The following PXDNL variants were observed in gnomAD, a reference collection of about 807,000 sequenced individuals.
PXDNL encodes the protein probable oxidoreductase PXDNL.
Under a neutral mutation model 150.8 loss-of-function variants are expected in PXDNL, and 145 were observed. The observed-to-expected ratio is 0.96, with a 90% confidence interval of 0.84 to 1.10. PXDNL has a LOEUF of 1.10. Ranked by LOEUF, PXDNL falls within the 50% of genes least tolerant of loss-of-function variation. The pLI is 0.00. For missense variants in PXDNL, 2,087 were observed against 1,873.9 expected, an observed-to-expected ratio of 1.11 and a Z score of -2.10; for synonymous variants, 757 against 725.7, an observed-to-expected ratio of 1.04 and a Z score of -0.69.
chr8:51,556,662 C>T lies in PXDNL; in HGVS notation c.380+178G>A, dbSNP rs555267483. On this transcript the variant is annotated intron_variant, in intron 4 of 22. Coordinates refer to ENST00000356297, the MANE Select transcript of PXDNL (RefSeq NM_144651.5). ...GCTGAGTTCTGTCTGTCTTCCTATC[C>T]TTATGCCAACTCAATCATACATTCT... 5.3e-5 allele frequency among the ~76,000 whole-genome samples: 8 copies of T among 152,268 alleles called. No individual in the cohort carries two copies. The South Asian group carries it at 8.3e-4, about 16-fold the overall frequency.
chr8:51,389,385 G>A (rs746321423), intron 17 of PXDNL, among the ~76,000 whole-genome samples: 1 of 152,062 alleles, frequency 6.6e-6, no homozygotes, highest in South Asian at 2.1e-4. Context: ...TTTCAGCCTC[G>A]GTCCCTGATG....
At chr8:51,440,919 CCTGTCCAGGTGA>C (rs1206674071) in intron 12 of PXDNL, among the ~76,000 whole-genome samples, 1 of 152,184 alleles carries the variant, frequency 6.6e-6, no homozygotes, top group Non-Finnish European at 1.5e-5. Flanking sequence ...AGATCCAGAG[CCTGTCCAGGTGA>C]CTGTGGGAGA....
chr8:51,329,397 A>G (rs1404497637), intron 21 of PXDNL, among the ~76,000 whole-genome samples: 1 of 152,230 alleles, frequency 6.6e-6, no homozygotes, highest in Non-Finnish European at 1.5e-5. Context: ...ACAGCACAAC[A>G]GTCAGCCTTT....
Position 51,408,792 on chromosome 8 carries a change from G to C in PXDNL, c.2832C>G (p.Cys944Trp), listed in dbSNP as rs1163232086. Residue 944 changes from cysteine (C) to tryptophan (W), a missense_variant, in exon 17 of 23, where the codon TGC becomes TGG. Transcript: ENST00000356297. The stretch of plus-strand genomic sequence containing the variant: ...AGGGGCTCTCCTGCTCCTGTCGCGC[G>C]CACTCGGTGGGTGGGCCTGTAGAAA... ...LPFSTGPPTE[C>W]ARQEQESPCF... The C allele has an allele frequency of 9.5e-6, 15 of 1,571,598 alleles. No homozygotes were observed. The highest frequency in any genetic ancestry group is 1.2e-5 in the Non-Finnish European group (14 of 1,159,582).
At chr8:51,533,948 C>T (rs1435215119) in intron 4 of PXDNL, among the ~76,000 whole-genome samples, 1 of 150,644 alleles carries the variant, frequency 6.6e-6, no homozygotes, top group African/African-American at 2.5e-5. Context: ...GGCCCCCCAT[C>T]GTCTGGGATA....
At chr8:51,563,819 T>G (rs1812761934) in intron 3 of PXDNL, among the ~76,000 whole-genome samples, 1 of 152,010 alleles carries the variant, frequency 6.6e-6, no homozygotes, top group Non-Finnish European at 1.5e-5. Flanking sequence ...CTGTGTGGTA[T>G]CATGCTCTGC....
chr8:51,695,119 C>T (rs1816087994), intron 1 of PXDNL, among the ~76,000 whole-genome samples: 1 of 152,192 alleles, frequency 6.6e-6, no homozygotes, highest in African/African-American at 2.4e-5. Context: ...AGAACCTGTG[C>T]TGCTGTCTGT....
chr8:51,329,558 C>T (rs1805617588), intron 21 of PXDNL, among the ~76,000 whole-genome samples: 1 of 151,970 alleles, frequency 6.6e-6, no homozygotes. Context: ...AGAAGCAGAC[C>T]CACATGAGAC....
chr8:51,434,296 G>C (rs1437136632), intron 12 of PXDNL, among the ~76,000 whole-genome samples: 1 of 152,120 alleles, frequency 6.6e-6, no homozygotes, highest in Non-Finnish European at 1.5e-5. Context: ...TTCTCTGACT[G>C]TCACTTCACT....
At chr8:51,568,832 T>G (rs1812874437) in intron 3 of PXDNL, among the ~76,000 whole-genome samples, 1 of 151,848 alleles carries the variant, frequency 6.6e-6, no homozygotes, top group Non-Finnish European at 1.5e-5. Flanking sequence ...AGGCCTCTAT[T>G]AACATATCAC....
chr8:51,681,303 G>A (rs1585670361), intron 1 of PXDNL, among the ~76,000 whole-genome samples: 2 of 151,938 alleles, frequency 1.3e-5, no homozygotes, highest in Admixed American at 6.6e-5. Flanking sequence ...GCTCTTCATC[G>A]TTGTTTTACC....
At chr8:51,351,940 C>G (rs1387379159) in intron 19 of PXDNL, among the ~76,000 whole-genome samples, 1 of 152,098 alleles carries the variant, frequency 6.6e-6, no homozygotes, top group Non-Finnish European at 1.5e-5. Flanking sequence ...AAGACAGAGT[C>G]TAATATGAGG....
chr8:51,362,691 C>T (rs1416047546), intron 19 of PXDNL, among the ~76,000 whole-genome samples: 1 of 151,918 alleles, frequency 6.6e-6, no homozygotes, highest in Non-Finnish European at 1.5e-5. Flanking sequence ...TTTAGAAGTA[C>T]AGATTTGGAA....
chr8:51,344,813 A>G (rs1160270719), intron 20 of PXDNL, among the ~76,000 whole-genome samples: 1 of 152,226 alleles, frequency 6.6e-6, no homozygotes, highest in East Asian at 1.9e-4. Flanking sequence ...AGTAGGTATT[A>G]CATGCCCATT....
At chr8:51,716,469 C>A (rs1192737029) in intron 1 of PXDNL, among the ~76,000 whole-genome samples, 1 of 152,188 alleles carries the variant, frequency 6.6e-6, no homozygotes, top group Non-Finnish European at 1.5e-5. Context: ...AACTAATTCA[C>A]TTCATGCTAT....
chr8:51,777,919 C>T (rs1360133381), intron 1 of PXDNL, among the ~76,000 whole-genome samples: 1 of 151,612 alleles, frequency 6.6e-6, no homozygotes, highest in African/African-American at 2.4e-5. Flanking sequence ...CAAAACAAAA[C>T]AACAACAACA....
At chr8:51,705,398 C>T (rs556188380) in intron 1 of PXDNL, among the ~76,000 whole-genome samples, 1 of 152,324 alleles carries the variant, frequency 6.6e-6, no homozygotes, top group South Asian at 2.1e-4. Flanking sequence ...GCTAATAAAA[C>T]ATCCAAGAAA....
chr8:51,387,326 G>T (rs1807748743), intron 17 of PXDNL, among the ~76,000 whole-genome samples: 1 of 152,230 alleles, frequency 6.6e-6, no homozygotes, highest in Non-Finnish European at 1.5e-5. Flanking sequence ...TGGTAATAGA[G>T]CCATGTTTTG....
At chr8:51,797,512 C>A (rs1357286316) in intron 1 of PXDNL, among the ~76,000 whole-genome samples, 1 of 152,160 alleles carries the variant, frequency 6.6e-6, no homozygotes, top group Non-Finnish European at 1.5e-5. Flanking sequence ...AAATCACAAG[C>A]ATTCCTATAA....
Sources: allele counts gnomAD v4.1 joint callset (sites outside exome capture counted in the v4.1 genomes callset), GRCh38; gene constraint gnomAD v4.1.1; transcripts MANE v1.5; gene names NCBI Gene and HGNC (gene_info 2026-07-23, HGNC 2026-07-21).